The following ZC3H14 variants were observed in gnomAD, a reference collection of about 807,000 sequenced individuals.
ZC3H14 encodes zinc finger CCCH domain-containing protein 14.
In ZC3H14, 31 loss-of-function variants were observed where a neutral mutation model predicts 92.4. That is an observed-to-expected ratio of 0.34 (90% CI 0.25 to 0.45). The LOEUF (loss-of-function observed/expected upper bound fraction) is 0.45. Ranked by LOEUF, ZC3H14 falls within the 20% of genes least tolerant of loss-of-function variation. ZC3H14 has a pLI of 1.00. For synonymous variants in ZC3H14, 321 were observed against 300.9 expected, an observed-to-expected ratio of 1.07 and a Z score of -0.69; for missense variants, 781 against 897.3, an observed-to-expected ratio of 0.87 and a Z score of 1.66.
At position 88,627,302 on chromosome 14, in the gene ZC3H14, C is replaced by A; in HGVS notation, c.*15551C>A. The A allele has an allele frequency of 1.9e-6, 1 of 516,702 alleles. No homozygotes were observed. Among genetic ancestry groups the A allele is most frequent in the South Asian group, 2.7e-5 (1 of 36,498 alleles). 32.0% of individuals were successfully genotyped at this position (516,702 alleles called of 1,614,324 possible). On this transcript the variant is annotated 3_prime_UTR_variant, in exon 17 of 17. Coordinates refer to ENST00000251038, the MANE Select transcript of ZC3H14 (RefSeq NM_024824.5). Reference sequence around the variant, plus strand: ...AAGTGTGGTAGGTAATATTATCCTGCTGATCTGCCATTATCATTAGAAATA... The same window carrying A: ...AAGTGTGGTAGGTAATATTATCCTGATGATCTGCCATTATCATTAGAAATA...
Position 88,601,909 on chromosome 14 carries a change from A to T in ZC3H14, c.1355-15A>T, listed in dbSNP as rs2084699643. 7 of 1,613,480 alleles carry T rather than the reference A, an allele frequency of 4.3e-6. No individual in the cohort carries two copies. The highest frequency in any genetic ancestry group is 5.9e-6 in the Non-Finnish European group (7 of 1,179,630). ...ATTCAAAAGTAAACATTTGTGGCCA[A>T]TTTTTTTGGCTCAGATTACTATGAC... On this transcript the variant is annotated splice_polypyrimidine_tract_variant and intron_variant, in intron 10 of 16. Coordinates refer to ENST00000251038, the MANE Select transcript of ZC3H14 (RefSeq NM_024824.5).
chr14:88,598,086 C>G (rs1408586306), intron 10 of ZC3H14, among the ~76,000 whole-genome samples: 1 of 152,086 alleles, frequency 6.6e-6, no homozygotes, highest in Non-Finnish European at 1.5e-5. Flanking sequence ...GTCTTGTTTT[C>G]TCTAAGTGGT....
chr14:88,615,804 C>A lies in ZC3H14; in HGVS notation c.*4053C>A, dbSNP rs778074845. 2.8e-5 allele frequency: 45 copies of A among 1,609,142 alleles called. 1 individual carries two copies. The South Asian group carries it at 4.7e-4, about 17-fold the overall frequency. On this transcript the variant is annotated 3_prime_UTR_variant, in exon 17 of 17. Coordinates refer to ENST00000251038, the MANE Select transcript of ZC3H14 (RefSeq NM_024824.5). ...TGGTCTCAAAGTTAATTTCTGTAGT[C>A]ATCTCAGCATCTCTCAGTGAGGTGT...
rs895934244 is a variant in ZC3H14, at chr14:88,617,417, G to A, written c.*5666G>A. On this transcript the variant is annotated 3_prime_UTR_variant, in exon 17 of 17. Transcript: ENST00000251038. ...CCCGCTCGGCCTCCCAAAGTGCTGG[G>A]ATTACAGGCTGAGCCACCGCGCCTG... 6.6e-6 allele frequency: 1 copy of A among 152,498 alleles called. No homozygotes were observed. The highest frequency in any genetic ancestry group is 1.5e-5 in the Non-Finnish European group (1 of 68,360). 9.4% of individuals were successfully genotyped at this position (152,498 alleles called of 1,614,324 possible).
At position 88,572,691 on chromosome 14, in the gene ZC3H14, T is replaced by C. The variant is rs756752658; in HGVS notation, c.545T>C (p.Ile182Thr). The C allele has an allele frequency of 3.1e-6, 5 of 1,614,222 alleles. No homozygotes were observed. The highest frequency in any genetic ancestry group is 2.2e-5 in the South Asian group (2 of 91,090). ...IDIKPEPDDLIDEDLNFVQEN... is the reference protein window; with the variant it reads ...IDIKPEPDDLTDEDLNFVQEN... Reference sequence around the variant, plus strand: ...ATTAAGCCAGAACCAGATGATCTCATTGACGAAGACCTCAACTTTGTGCAG... The same window carrying C: ...ATTAAGCCAGAACCAGATGATCTCACTGACGAAGACCTCAACTTTGTGCAG... The change falls in exon 6 of 17, where the codon ATT becomes ACT. Residue 182 changes from isoleucine to threonine, a missense_variant. By Grantham distance (89) the Ile-to-Thr change is moderately conservative. Coordinates refer to ENST00000251038, the MANE Select transcript of ZC3H14 (RefSeq NM_024824.5).
chr14:88,572,705 A>G lies in ZC3H14; in HGVS notation c.559A>G (p.Asn187Asp), dbSNP rs1566898946. The change falls in exon 6 of 17, where the codon AAC becomes GAC. Residue 187 changes from asparagine (N) to aspartate (D), a missense_variant. Asn to Asp is a conservative substitution (Grantham distance 23). Coordinates refer to ENST00000251038, the MANE Select transcript of ZC3H14 (RefSeq NM_024824.5). Reference sequence around the variant, plus strand: ...AGATGATCTCATTGACGAAGACCTCAACTTTGTGCAGGAGAATCCCTTATC... The same window carrying G: ...AGATGATCTCATTGACGAAGACCTCGACTTTGTGCAGGAGAATCCCTTATC... ...EPDDLIDEDL[N>D]FVQENPLSQK... The G allele has an allele frequency of 6.2e-7, 1 of 1,614,214 alleles. No homozygotes were observed. Among genetic ancestry groups the G allele is most frequent in the Admixed American group, 1.7e-5 (1 of 60,026 alleles).
At chr14:88,600,490 T>A (rs1053774965) in intron 10 of ZC3H14, among the ~76,000 whole-genome samples, 2 of 151,850 alleles carry the variant, frequency 1.3e-5, no homozygotes, top group Non-Finnish European at 2.9e-5. Context: ...TCACTCGTGC[T>A]GGAGTGCAGT....
At position 88,624,078 on chromosome 14, in the gene ZC3H14, TTTTG is replaced by T. The variant is rs1419887977; in HGVS notation, c.*12331_*12334del. On this transcript the variant is annotated 3_prime_UTR_variant, in exon 17 of 17. Transcript: ENST00000251038. ...AACTATATGTCACATTTTTTTTTGT[TTTTG>T]TTTTTGTTTTTTAAATGGGGTCTCA... is the stretch of plus-strand genomic sequence containing the variant. 6.6e-6 allele frequency: 1 copy of T among 152,172 alleles called. No individual in the cohort carries two copies. Among genetic ancestry groups the T allele is most frequent in the Non-Finnish European group, 1.5e-5 (1 of 68,140 alleles). The allele number at this position is 152,172 out of a possible 1,614,324, so 9.4% of individuals were successfully genotyped here. A position where few individuals can be genotyped will look rare whatever the true frequency, so the allele number is the denominator to read the frequency against.
intron 9 of ZC3H14, among the ~76,000 whole-genome samples, chr14:88,579,079 C>G (rs2081559116): frequency 6.6e-6 from 1 of 151,688 alleles, no homozygotes; most frequent in Non-Finnish European, 1.5e-5. Context: ...ATTTTAAGAC[C>G]CCACCAAAAA....
At chr14:88,584,018 T>C (rs2082206917) in intron 9 of ZC3H14, among the ~76,000 whole-genome samples, 1 of 152,180 alleles carries the variant, frequency 6.6e-6, no homozygotes, top group African/African-American at 2.4e-5. Context: ...AAATTTGTTA[T>C]ATCTTCTCTG....
chr14:88,600,233 G>A (rs1314673461), intron 10 of ZC3H14, among the ~76,000 whole-genome samples: 3 of 152,214 alleles, frequency 2.0e-5, no homozygotes, highest in Non-Finnish European at 4.4e-5. Flanking sequence ...AGGCGGGCAC[G>A]CCCCTTCCCA....
chr14:88,571,216 C>T (rs1207466021), intron 4 of ZC3H14, 92 bp downstream of exon 4: 33 of 1,177,038 alleles, frequency 2.8e-5, no homozygotes, highest in Admixed American at 1.2e-4. Context: ...AAAAACCCAT[C>T]AATTTCAAAA....
intron 8 of ZC3H14, among the ~76,000 whole-genome samples, chr14:88,576,198 A>G (rs2081140641): frequency 6.6e-6 from 1 of 152,216 alleles, no homozygotes; most frequent in South Asian, 2.1e-4. Context: ...AATATATAGT[A>G]CGTAAATATT....
Position 88,620,988 on chromosome 14 carries a change from T to C in ZC3H14, c.*9237T>C. On this transcript the variant is annotated 3_prime_UTR_variant, in exon 17 of 17. Coordinates refer to ENST00000251038, the MANE Select transcript of ZC3H14 (RefSeq NM_024824.5). The surrounding 1 kb of genome is among the most constrained non-coding windows in gnomAD (Gnocchi z 4.3). Reference sequence around the variant, plus strand: ...AACATTAAGTGAAGTACTTCTAAATTATACCAGTTTCCCCTCAAAATGCTC... The same window carrying C: ...AACATTAAGTGAAGTACTTCTAAATCATACCAGTTTCCCCTCAAAATGCTC... 6.8e-7 allele frequency: 1 copy of C among 1,471,678 alleles called. No homozygotes were observed. The highest frequency in any genetic ancestry group is 9.0e-7 in the Non-Finnish European group (1 of 1,113,710). The allele number at this position is 1,471,678 out of a possible 1,614,324, so 91.2% of individuals were successfully genotyped here.
chr14:88,622,919 GTGAA>G lies in ZC3H14; in HGVS notation c.*11170_*11173del, dbSNP rs1390291612. On this transcript the variant is annotated 3_prime_UTR_variant, in exon 17 of 17. Transcript: ENST00000251038. Reference sequence around the variant, plus strand: ...CAGTCAAAATAAACATCCAGTTTCAGTGAATTTTATTTTGAGAAATACTCTTTTT... The same window carrying G: ...CAGTCAAAATAAACATCCAGTTTCAGTTTTATTTTGAGAAATACTCTTTTT... The G allele has an allele frequency of 2.5e-6, 1 of 404,452 alleles. No individual in the cohort carries two copies. The allele number at this position is 404,452 out of a possible 1,614,324, so 25.1% of individuals were successfully genotyped here.
At chr14:88,604,205 G>A (rs1291415489) in intron 12 of ZC3H14, among the ~76,000 whole-genome samples, 2 of 152,148 alleles carry the variant, frequency 1.3e-5, no homozygotes, top group Admixed American at 1.3e-4. Flanking sequence ...GAGGCTTTAT[G>A]GGGTATACAT....
In ZC3H14 at chr14:88,625,117, G is replaced by A. The variant is rs895689902; in HGVS notation, c.*13366G>A. 3.7e-6 allele frequency: 6 copies of A among 1,613,472 alleles called. No individual in the cohort carries two copies. Among genetic ancestry groups the A allele is most frequent in the Non-Finnish European group, 5.1e-6 (6 of 1,179,746 alleles). The stretch of plus-strand genomic sequence containing the variant: ...ATCACCACTGATGGTACCTGTAAAC[G>A]TCAAGTTATTCTGAAAAGGAGTGGG... On this transcript the variant is annotated 3_prime_UTR_variant, in exon 17 of 17. Transcript: ENST00000251038.
Position 88,563,068 on chromosome 14 carries a change from A to C in ZC3H14, c.-66A>C. On this transcript the variant is annotated 5_prime_UTR_variant, in exon 1 of 17. Transcript: ENST00000251038. Reference sequence around the variant, plus strand: ...GGTGGTGTCCCGGCTGCGGGGTAGGAGTCCGCGGCAGCCTCCGGGTAAGCC... The same window carrying C: ...GGTGGTGTCCCGGCTGCGGGGTAGGCGTCCGCGGCAGCCTCCGGGTAAGCC... The C allele has an allele frequency of 1.3e-6, 2 of 1,539,840 alleles. No homozygotes were observed. Among genetic ancestry groups the C allele is most frequent in the Non-Finnish European group, 1.7e-6 (2 of 1,149,078 alleles).
In ZC3H14 at chr14:88,622,493, A is replaced by G. The variant is rs958678061; in HGVS notation, c.*10742A>G. 4.3e-4 allele frequency: 351 copies of G among 824,614 alleles called. 2 individuals carry two copies. The highest frequency in any genetic ancestry group is 7.3e-4 in the Admixed American group (21 of 28,832). 51.1% of individuals were successfully genotyped at this position (824,614 alleles called of 1,614,324 possible). A position where few individuals can be genotyped will look rare whatever the true frequency, so the allele number is the denominator to read the frequency against. ...CAGAGTAATGTTGGCAAGCAAATCC[A>G]TCGTTATGCATTATTAAGTATTGTT... On this transcript the variant is annotated 3_prime_UTR_variant, in exon 17 of 17. Coordinates refer to ENST00000251038, the MANE Select transcript of ZC3H14 (RefSeq NM_024824.5).
Sources: gnomAD v4.1 joint callset for allele counts (sites outside exome capture counted in the v4.1 genomes callset) on GRCh38, gnomAD v4.1.1 for gene constraint, Gnocchi (gnomAD v3.1) non-coding constraint, MANE v1.5 for transcripts, NCBI Gene and HGNC (gene_info 2026-07-23, HGNC 2026-07-21) for gene names.